The following EXTL3 variants were observed in gnomAD, a reference collection of about 807,000 sequenced individuals.
EXTL3 encodes the protein exostosin like glycosyltransferase 3.
A neutral mutation model predicts 69.3 loss-of-function variants in EXTL3; 27 were observed. The ratio of observed to expected loss-of-function variants is 0.39; its 90% CI spans 0.29 to 0.54. The LOEUF (loss-of-function observed/expected upper bound fraction) is 0.54, where lower values mean the gene tolerates loss of function less well. Ranked by LOEUF, EXTL3 falls within the 20% of genes least tolerant of loss-of-function variation. The pLI, the probability that EXTL3 is intolerant of heterozygous loss-of-function variation, is 0.69. For synonymous variants in EXTL3, 511 were observed against 499.4 expected (o/e 1.02, Z -0.31); for missense variants, 1,003 against 1,231.8 (o/e 0.81, Z 2.78).
chr8:28,733,849 G>A lies in EXTL3; in HGVS notation c.2276+2499G>A, dbSNP rs373158100. 1.7e-4 allele frequency among the ~76,000 whole-genome samples: 24 copies of A among 142,796 alleles called. 1 individual carries two copies. The highest frequency in any genetic ancestry group is 5.5e-4 in the African/African-American group (21 of 37,962). The allele number at this position is 142,796 out of a possible 152,430, so 93.7% of individuals were successfully genotyped here. On this transcript the variant is annotated intron_variant, in intron 4 of 6. Coordinates refer to ENST00000220562, the MANE Select transcript of EXTL3 (RefSeq NM_001440.4). ...TTTTTTTTTTCTGACACAGAGTCTC[G>A]CTCTGTTACCCAGGCTGGAGTGCAG...
At chr8:28,748,137 C>T (rs1801928029) in intron 6 of EXTL3, among the ~76,000 whole-genome samples, 1 of 152,130 alleles carries the variant, frequency 6.6e-6, no homozygotes, top group African/African-American at 2.4e-5. Flanking sequence ...CTTGGGGAGG[C>T]TGAGGCGGGC....
rs1258435170 is a variant in EXTL3 at position 28,718,060 on chromosome 8, G to A, written c.2001G>A (p.Met667Ile). The A allele has an allele frequency of 1.2e-6, 2 of 1,613,836 alleles. No individual in the cohort carries two copies. The highest frequency in any genetic ancestry group is 2.7e-5 in the African/African-American group (2 of 74,822). The part of the protein sequence containing the change: ...NVPREQFTVV[M>I]LTYEREEVLM... ...CCCGAGAGCAGTTCACGGTGGTGAT[G>A]TTGACTTATGAGCGGGAGGAAGTGC... Residue 667 changes from methionine (M) to isoleucine (I), a missense_variant, in exon 3 of 7, where the codon ATG becomes ATA. By Grantham distance (10) the Met-to-Ile change is conservative. Transcript: ENST00000220562.
At chr8:28,725,882 T>A (rs1471360482) in intron 3 of EXTL3, among the ~76,000 whole-genome samples, 1 of 152,040 alleles carries the variant, frequency 6.6e-6, no homozygotes, top group African/African-American at 2.4e-5. Context: ...TTGACTTGTT[T>A]CTTTTATGTT....
At chr8:28,609,791 G>A (rs1393891185) in intron 2 of EXTL3, among the ~76,000 whole-genome samples, 1 of 151,756 alleles carries the variant, frequency 6.6e-6, no homozygotes, top group Non-Finnish European at 1.5e-5. Context: ...TTGGAAGGTT[G>A]AGGTGGGAGG....
chr8:28,723,732 C>G (rs960034375), intron 3 of EXTL3, among the ~76,000 whole-genome samples: 7 of 151,150 alleles, frequency 4.6e-5, no homozygotes, highest in Non-Finnish European at 8.8e-5. Context: ...GTCTCCACCT[C>G]CCAGGTTTAA....
intron 1 of EXTL3, among the ~76,000 whole-genome samples, chr8:28,660,598 T>C (rs1014243953): frequency 6.6e-6 from 1 of 152,178 alleles, no homozygotes; most frequent in African/African-American, 2.4e-5. Context: ...AGTTCAGTGG[T>C]ATTAAATACA....
Position 28,751,564 on chromosome 8 carries a change from C to T in EXTL3, c.*698C>T, listed in dbSNP as rs1419566365. 2.0e-5 allele frequency: 3 copies of T among 152,334 alleles called. No individual in the cohort carries two copies. The highest frequency in any genetic ancestry group is 4.4e-5 in the Non-Finnish European group (3 of 68,168). The allele number at this position is 152,334 out of a possible 1,614,324, so 9.4% of individuals were successfully genotyped here. A position where few individuals can be genotyped will look rare whatever the true frequency, so the allele number is the denominator to read the frequency against. On this transcript the variant is annotated 3_prime_UTR_variant, in exon 7 of 7. Coordinates refer to ENST00000220562, the MANE Select transcript of EXTL3 (RefSeq NM_001440.4). ...AACTCACATTCTCTTCCCAGTGAATCCCTGGGAGCGCCTGACCCTGGTGGG... is the reference window on the plus strand; with the variant it reads ...AACTCACATTCTCTTCCCAGTGAATTCCTGGGAGCGCCTGACCCTGGTGGG...
chr8:28,659,463 A>C (rs932404487), intron 1 of EXTL3, among the ~76,000 whole-genome samples: 1 of 152,228 alleles, frequency 6.6e-6, no homozygotes, highest in African/African-American at 2.4e-5. Flanking sequence ...ATTAGAGTTC[A>C]GTTGAACTGA....
intron 1 of EXTL3, among the ~76,000 whole-genome samples, chr8:28,709,298 C>T (rs1040629949): frequency 4.6e-5 from 7 of 152,130 alleles, no homozygotes; most frequent in African/African-American, 7.2e-5. Flanking sequence ...AGGTTTAACC[C>T]GGCATACAGT....
chr8:28,723,922 G>C (rs1422517353), intron 3 of EXTL3, among the ~76,000 whole-genome samples: 2 of 151,930 alleles, frequency 1.3e-5, no homozygotes, highest in Non-Finnish European at 2.9e-5. Context: ...GATTACAGGT[G>C]TGAGCCACCA....
At chr8:28,630,900 G>C (rs1806561809) in intron 1 of EXTL3, among the ~76,000 whole-genome samples, 2 of 152,216 alleles carry the variant, frequency 1.3e-5, no homozygotes, top group Non-Finnish European at 2.9e-5. Context: ...TGTCAGGAAT[G>C]GCATGGTGCC....
rs551739913 is a variant in EXTL3, at chr8:28,616,558, T to C, written n.314+8800T>C. ...AGGAGAATGGCGTGAACCTGGGAGG[T>C]GGAGCTTGCAGTGAGCCGAGATCAT... On this transcript the variant is annotated intron_variant and non_coding_transcript_variant, in intron 2 of 4. Transcript: ENST00000522725. Among the ~76,000 whole-genome samples the C allele has an allele frequency of 2.1e-4, 32 of 149,872 alleles. No individual in the cohort carries two copies. The East Asian group carries it at 6.1e-3, about 28-fold the overall frequency.
intron 4 of EXTL3, among the ~76,000 whole-genome samples, chr8:28,735,176 A>T (rs980507026): frequency 3.3e-5 from 5 of 152,018 alleles, no homozygotes; most frequent in Admixed American, 2.6e-4. Context: ...AACTCCAGGC[A>T]TGATCTTTGC....
chr8:28,642,079 C>T (rs1053284736), intron 1 of EXTL3, among the ~76,000 whole-genome samples: 8 of 152,086 alleles, frequency 5.3e-5, no homozygotes, highest in Admixed American at 6.5e-5. Flanking sequence ...TCGTGATCCG[C>T]CCGCCTCAGC....
chr8:28,670,759 A>G (rs997779774), intron 1 of EXTL3, among the ~76,000 whole-genome samples: 1 of 152,180 alleles, frequency 6.6e-6, no homozygotes, highest in African/African-American at 2.4e-5. Context: ...TCCAATGTTA[A>G]TGTCATCCCC....
chr8:28,663,834 T>G (rs1416739932), intron 1 of EXTL3, among the ~76,000 whole-genome samples: 1 of 152,192 alleles, frequency 6.6e-6, no homozygotes, highest in Non-Finnish European at 1.5e-5. Context: ...CAAGACAGTT[T>G]CAGGCAGAGG....
At position 28,701,617 on chromosome 8, in the gene EXTL3, A is replaced by AGGCGGCGGCGGCGGCGGCGGC. The variant is rs537721750; in HGVS notation, c.-609_-589dup. ...GCTTCTGGGACGCCGACTTTCGCGC[A>AGGCGGCGGCGGCGGCGGCGGC]GGCGGCGGCGGCGGCGGCGGCGGGT... On this transcript the variant is annotated 5_prime_UTR_variant, in exon 1 of 7. Transcript: ENST00000220562. 5 of 160,634 alleles carry AGGCGGCGGCGGCGGCGGCGGC rather than the reference A, an allele frequency of 3.1e-5. No homozygotes were observed. The highest frequency in any genetic ancestry group is 9.7e-5 in the African/African-American group (4 of 41,370). The allele number at this position is 160,634 out of a possible 1,614,324, so 10.0% of individuals were successfully genotyped here.
At position 28,751,216 on chromosome 8, in the gene EXTL3, G is replaced by C. The variant is rs930451371; in HGVS notation, c.*350G>C. 6.6e-5 allele frequency: 19 copies of C among 287,080 alleles called. No individual in the cohort carries two copies. Among genetic ancestry groups the C allele is most frequent in the Non-Finnish European group, 1.1e-4 (17 of 149,530 alleles). The allele number at this position is 287,080 out of a possible 1,614,324, so 17.8% of individuals were successfully genotyped here. On this transcript the variant is annotated 3_prime_UTR_variant, in exon 7 of 7. Coordinates refer to ENST00000220562, the MANE Select transcript of EXTL3 (RefSeq NM_001440.4). ...CAACTATTATGATTATTTAAAAAGA[G>C]AAAGTTTCAGATTTGCCATTCAAGG...
intron 1 of EXTL3, among the ~76,000 whole-genome samples, chr8:28,691,310 C>T (rs529660257): frequency 1.2e-3 from 185 of 152,266 alleles, no homozygotes; most frequent in African/African-American, 4.2e-3. Context: ...CTGTGCTTTT[C>T]GCATTTAACT....
Sources: allele counts gnomAD v4.1 joint callset (sites outside exome capture counted in the v4.1 genomes callset), GRCh38; gene constraint gnomAD v4.1.1; transcripts MANE v1.5; gene names NCBI Gene and HGNC (gene_info 2026-07-23, HGNC 2026-07-21).